The following TCF7L2 variants were observed in gnomAD, a reference collection of about 807,000 sequenced individuals.
The protein encoded by TCF7L2 is transcription factor 7 like 2.
Under a neutral mutation model 77.9 loss-of-function variants are expected in TCF7L2, and 23 were observed. That is an observed-to-expected ratio of 0.30 (90% CI 0.21 to 0.42). The LOEUF (loss-of-function observed/expected upper bound fraction) is 0.42, where lower values mean the gene tolerates loss of function less well. Among genes scored for constraint, TCF7L2 ranks in the 10% least tolerant of loss-of-function variants. The pLI, the probability that TCF7L2 is intolerant of heterozygous loss-of-function variation, is 1.00. For synonymous variants in TCF7L2, 413 were observed against 340.2 expected (o/e 1.21, Z -2.36); for missense variants, 654 against 793.1 (o/e 0.82, Z 2.11).
intron 5 of TCF7L2, among the ~76,000 whole-genome samples, chr10:113,059,331 A>G (rs2056013487): frequency 1.3e-5 from 2 of 151,824 alleles, no homozygotes; most frequent in Admixed American, 6.6e-5. Context: ...CCACTTGTTC[A>G]GGTCCTCCTC....
At chr10:113,060,159 C>T (rs1006503610) in intron 5 of TCF7L2, among the ~76,000 whole-genome samples, 2 of 152,158 alleles carry the variant, frequency 1.3e-5, no homozygotes, top group Non-Finnish European at 2.9e-5. Context: ...TTTTAAAAAA[C>T]AAAATGTATT....
intron 5 of TCF7L2, among the ~76,000 whole-genome samples, chr10:113,062,167 A>G (rs1016356280): frequency 1.3e-5 from 2 of 152,174 alleles, no homozygotes; most frequent in Non-Finnish European, 2.9e-5. Flanking sequence ...TGACTGATAG[A>G]AGGAAGCCAC....
chr10:113,055,720 AG>A (rs1436565699), intron 5 of TCF7L2, among the ~76,000 whole-genome samples: 1 of 152,236 alleles, frequency 6.6e-6, no homozygotes, highest in Non-Finnish European at 1.5e-5. Flanking sequence ...GTGGGACCAC[AG>A]GTGCACATCA....
rs2070672924 is a variant in TCF7L2 at position 113,151,178 on chromosome 10, G to A, written c.1001+55G>A. Reference sequence around the variant, plus strand: ...CGTAGCCGCAGTGTTCTGCAAGCCTGTTGCAGCTGCTGGGTGGTGGCTTTC... The same window carrying A: ...CGTAGCCGCAGTGTTCTGCAAGCCTATTGCAGCTGCTGGGTGGTGGCTTTC... On this transcript the variant is annotated intron_variant, in intron 9 of 13. Coordinates refer to ENST00000627217, the MANE Select transcript of TCF7L2 (RefSeq NM_001146274.2). The surrounding 1 kb of genome is among the most constrained non-coding windows in gnomAD (Gnocchi z 5.2). 1 of 1,609,998 alleles carries A rather than the reference G, an allele frequency of 6.2e-7. No homozygotes were observed. The highest frequency in any genetic ancestry group is 1.1e-5 in the South Asian group (1 of 90,746).
chr10:113,090,003 C>T (rs529500657), intron 5 of TCF7L2, among the ~76,000 whole-genome samples: 1 of 152,188 alleles, frequency 6.6e-6, no homozygotes, highest in South Asian at 2.1e-4. Context: ...TGGAAAATGC[C>T]CACTTTGCCT....
intron 13 of TCF7L2, among the ~76,000 whole-genome samples, chr10:113,164,451 T>C (rs1453129089): frequency 6.6e-6 from 1 of 152,178 alleles, no homozygotes; most frequent in African/African-American, 2.4e-5. Flanking sequence ...TTGTAGTCAC[T>C]TCGGTGACCG....
At chr10:113,123,949 G>A (rs976857501) in intron 5 of TCF7L2, among the ~76,000 whole-genome samples, 1 of 152,180 alleles carries the variant, frequency 6.6e-6, no homozygotes, top group Non-Finnish European at 1.5e-5. Flanking sequence ...AGCACTGAAA[G>A]AGAGAAGAAG....
Position 112,950,403 on chromosome 10 carries a change from T to TC in TCF7L2, c.-345dup, listed in dbSNP as rs113102683. ...ACGAGCACCTCCTGTATCTTCGGCTTCCCCCCCCCTTTGCTCTTTATATCT... is the reference window on the plus strand; with the variant it reads ...ACGAGCACCTCCTGTATCTTCGGCTTCCCCCCCCCCTTTGCTCTTTATATCT... On this transcript the variant is annotated 5_prime_UTR_variant, in exon 1 of 14. Transcript: ENST00000627217. The TC allele has an allele frequency of 2.1e-4, 41 of 195,350 alleles. No homozygotes were observed. The highest frequency in any genetic ancestry group is 7.9e-4 in the East Asian group (11 of 13,888). 12.1% of individuals were successfully genotyped at this position (195,350 alleles called of 1,614,324 possible). A position where few individuals can be genotyped will look rare whatever the true frequency, so the allele number is the denominator to read the frequency against.
At chr10:113,004,927 G>A (rs2045259846) in intron 4 of TCF7L2, among the ~76,000 whole-genome samples, 1 of 152,112 alleles carries the variant, frequency 6.6e-6, no homozygotes, top group Admixed American at 6.5e-5. Context: ...GCCCGCCTCG[G>A]CCTCCCAAAG....
intron 4 of TCF7L2, among the ~76,000 whole-genome samples, chr10:113,013,360 C>A (rs2046788823): frequency 6.6e-6 from 1 of 152,118 alleles, no homozygotes. Context: ...CTCAAGTGAT[C>A]CTCCTGCCTT....
intron 4 of TCF7L2, among the ~76,000 whole-genome samples, chr10:113,002,534 C>T (rs2044679722): frequency 1.3e-5 from 2 of 152,050 alleles, no homozygotes; most frequent in African/African-American, 4.8e-5. Flanking sequence ...GAAGCCCTGG[C>T]TGTGTGTGGG....
intron 5 of TCF7L2, among the ~76,000 whole-genome samples, chr10:113,077,141 G>A (rs1198316703): frequency 6.6e-6 from 1 of 152,120 alleles, no homozygotes; most frequent in East Asian, 1.9e-4. Flanking sequence ...CAGGAACTCA[G>A]CCAGGCAGTG....
chr10:113,077,162 AG>A lies in TCF7L2; in HGVS notation c.552+37037del, dbSNP rs554941961. 3.3e-5 allele frequency among the ~76,000 whole-genome samples: 5 copies of A among 152,320 alleles called. 1 individual carries two copies. In the South Asian group the frequency reaches 1.0e-3, roughly 32 times the overall value. On this transcript the variant is annotated intron_variant, in intron 5 of 13. Coordinates refer to ENST00000627217, the MANE Select transcript of TCF7L2 (RefSeq NM_001146274.2). The stretch of plus-strand genomic sequence containing the variant: ...CTCAGCCAGGCAGTGGAAAGAAAAC[AG>A]AAGCTCTGTGGACCTCTGCTTACTG...
At chr10:113,064,364 T>C (rs1392895033) in intron 5 of TCF7L2, among the ~76,000 whole-genome samples, 1 of 152,212 alleles carries the variant, frequency 6.6e-6, no homozygotes, top group Non-Finnish European at 1.5e-5. Flanking sequence ...TCACATCTGC[T>C]TCTGTTTTTC....
Position 112,951,549 on chromosome 10 carries a change from TC to T in TCF7L2, c.327del (p.Asp110ThrfsTer2). 2 of 1,407,340 alleles carry T rather than the reference TC, an allele frequency of 1.4e-6. No individual in the cohort carries two copies. The highest frequency in any genetic ancestry group is 1.9e-6 in the Non-Finnish European group (2 of 1,055,736). 87.2% of individuals were successfully genotyped at this position (1,407,340 alleles called of 1,614,324 possible). A position where few individuals can be genotyped will look rare whatever the true frequency, so the allele number is the denominator to read the frequency against. The stretch of plus-strand genomic sequence containing the variant: ...TATCCCGGCTACCCCTTCATCATGA[TC>T]CCCGACCTGACGAGCCCCTACCTCC... On this transcript the variant is annotated frameshift_variant, in exon 3 of 14. Transcript: ENST00000627217. LOFTEE classifies it high-confidence loss of function.
chr10:113,035,020 T>G (rs2050921576), intron 4 of TCF7L2, among the ~76,000 whole-genome samples: 1 of 151,812 alleles, frequency 6.6e-6, no homozygotes, highest in Admixed American at 6.6e-5. Context: ...TCCTTTCTTT[T>G]CTCTCTTTCT....
intron 5 of TCF7L2, among the ~76,000 whole-genome samples, chr10:113,044,248 G>A (rs951424399): frequency 6.6e-6 from 1 of 152,158 alleles, no homozygotes; most frequent in Non-Finnish European, 1.5e-5. Context: ...AAACTCTTAC[G>A]AAATAATGCA....
chr10:113,025,620 A>G (rs906229073), intron 4 of TCF7L2, among the ~76,000 whole-genome samples: 8 of 152,120 alleles, frequency 5.3e-5, no homozygotes, highest in African/African-American at 1.7e-4. Context: ...GACTCAAGCA[A>G]TCTGCCCACC....
intron 4 of TCF7L2, among the ~76,000 whole-genome samples, chr10:113,031,679 G>T (rs144455988): frequency 3.3e-5 from 5 of 151,860 alleles, no homozygotes; most frequent in African/African-American, 1.2e-4. Context: ...GGAGAGATGG[G>T]GTCTCACCAT....
Sources: allele counts gnomAD v4.1 joint callset (sites outside exome capture counted in the v4.1 genomes callset), GRCh38; gene constraint gnomAD v4.1.1; non-coding constraint Gnocchi (gnomAD v3.1); transcripts MANE v1.5; gene names NCBI Gene and HGNC (gene_info 2026-07-23, HGNC 2026-07-21).